ABCA13: variants seen among roughly 807,000 people sequenced by gnomAD.
ABCA13 encodes ATP binding cassette subfamily A member 13.
ABCA13 carries 476 observed loss-of-function variants against 478.7 expected under a neutral mutation model. The observed-to-expected ratio is 0.99, with a 90% CI of 0.92 to 1.07. ABCA13 has a LOEUF of 1.07. Among genes scored for constraint, ABCA13 ranks in the 50% least tolerant of loss-of-function variants. ABCA13 has a pLI of 0.00. For missense variants in ABCA13, 6,060 were observed against 5,910.6 expected (o/e 1.03, Z -0.83); for synonymous variants, 2,252 against 2,158.9 (o/e 1.04, Z -1.20).
intron 59 of ABCA13, chr7:48,627,091 C>T (rs773859683): frequency 4.1e-6 from 4 of 966,276 alleles, no homozygotes; most frequent in Non-Finnish European, 4.9e-6. Flanking sequence ...AGGCAATTTG[C>T]CAAATGCTTT....
rs146454727 is a variant in ABCA13, at chr7:48,189,095, T to C, written c.70-3864T>C. Among the ~76,000 whole-genome samples the C allele has an allele frequency of 5.2e-4, 79 of 152,276 alleles. 1 individual carries two copies. In the East Asian group the frequency reaches 0.014, roughly 28 times the overall value. ...CTGTGGCAGCATCTGTGCCAGCGCA[T>C]TTGGACAGCAGAAGTGCCAGTTTCT... is the stretch of plus-strand genomic sequence containing the variant. On this transcript the variant is annotated intron_variant, in intron 1 of 61. Transcript: ENST00000435803.
chr7:48,538,083 T>C (rs1276139291), intron 55 of ABCA13, among the ~76,000 whole-genome samples: 1 of 149,726 alleles, frequency 6.7e-6, no homozygotes, highest in Non-Finnish European at 1.5e-5. Context: ...TATCTTATTT[T>C]TTTCTTTCTT....
At chr7:48,375,420 A>C (rs893835226) in intron 34 of ABCA13, among the ~76,000 whole-genome samples, 2 of 152,278 alleles carry the variant, frequency 1.3e-5, no homozygotes. Flanking sequence ...GATTTACTAG[A>C]TTGTTCCTGA....
chr7:48,556,680 T>G (rs190350192), intron 55 of ABCA13, among the ~76,000 whole-genome samples: 8 of 152,160 alleles, frequency 5.3e-5, no homozygotes, highest in Admixed American at 5.2e-4. Flanking sequence ...CCCTTTATTT[T>G]CAGTCTATGT....
intron 59 of ABCA13, among the ~76,000 whole-genome samples, chr7:48,634,430 T>C (rs1289558743): frequency 6.6e-6 from 1 of 152,226 alleles, no homozygotes; most frequent in Non-Finnish European, 1.5e-5. Flanking sequence ...TGGCTTGTTT[T>C]TGTAAGGTCA....
At chr7:48,510,312 A>C (rs1251256307) in intron 50 of ABCA13, among the ~76,000 whole-genome samples, 1 of 152,204 alleles carries the variant, frequency 6.6e-6, no homozygotes, top group African/African-American at 2.4e-5. Flanking sequence ...CTGCCCATGG[A>C]TGACGTGCAG....
chr7:48,174,722 T>C (rs1292997413), intron 1 of ABCA13, among the ~76,000 whole-genome samples: 1 of 152,214 alleles, frequency 6.6e-6, no homozygotes, highest in Non-Finnish European at 1.5e-5. Flanking sequence ...TGTGGTCTTT[T>C]CTTATCCTTA....
chr7:48,643,479 G>A lies in ABCA13; in HGVS notation c.14943+86G>A, dbSNP rs539579660. 681 of 1,192,794 alleles carry A rather than the reference G, an allele frequency of 5.7e-4. 3 individuals are homozygous for A. The Middle Eastern group carries it at 5.8e-3, about 10-fold the overall frequency. 73.9% of individuals were successfully genotyped at this position (1,192,794 alleles called of 1,614,324 possible). Reference sequence around the variant, plus strand: ...CTGTCTTTTTTTGTTTTTATTCTATGCTGTTATAAGATACTACTTGTTACC... The same window carrying A: ...CTGTCTTTTTTTGTTTTTATTCTATACTGTTATAAGATACTACTTGTTACC... On this transcript the variant is annotated intron_variant, in intron 60 of 61. Coordinates refer to ENST00000435803, the MANE Select transcript of ABCA13 (RefSeq NM_152701.5).
At chr7:48,192,584 C>T (rs946412244) in intron 1 of ABCA13, among the ~76,000 whole-genome samples, 2 of 152,022 alleles carry the variant, frequency 1.3e-5, no homozygotes, top group African/African-American at 4.8e-5. Context: ...AGCAAAATAT[C>T]TATTTGGGTA....
intron 41 of ABCA13, among the ~76,000 whole-genome samples, chr7:48,426,207 C>A (rs1436208248): frequency 6.6e-6 from 1 of 152,204 alleles, no homozygotes; most frequent in Non-Finnish European, 1.5e-5. Context: ...TGGAGTCTTA[C>A]TGAGAATCAG....
At chr7:48,573,689 G>A (rs1308670076) in intron 55 of ABCA13, among the ~76,000 whole-genome samples, 1 of 152,114 alleles carries the variant, frequency 6.6e-6, no homozygotes, top group African/African-American at 2.4e-5. Context: ...AGCTATGATT[G>A]TACCACTGCA....
At position 48,543,516 on chromosome 7, in the gene ABCA13, C is replaced by T. The variant is rs1453982055; in HGVS notation, c.14354+15171C>T. On this transcript the variant is annotated intron_variant, in intron 55 of 61. Coordinates refer to ENST00000435803, the MANE Select transcript of ABCA13 (RefSeq NM_152701.5). ...GTGGGCACCTGTAATCCCAACTACTCGGGAAGCTGAGGCAGGAGAATCGCT... is the reference window on the plus strand; with the variant it reads ...GTGGGCACCTGTAATCCCAACTACTTGGGAAGCTGAGGCAGGAGAATCGCT... 4.6e-5 allele frequency among the ~76,000 whole-genome samples: 7 copies of T among 151,318 alleles called. 1 individual carries two copies. The highest frequency in any genetic ancestry group is 1.9e-4 in the East Asian group (1 of 5,172).
At position 48,313,169 on chromosome 7, in the gene ABCA13, C is replaced by A. The variant is rs1257439906; in HGVS notation, c.9619C>A (p.Leu3207Ile). ...CAAAGCCCAGCACGTCTTTGAGTAT[C>A]TTCCTGAGTTTCTTCACACATTTAA... ...LAKAQHVFEY[L>I]PEFLHTFKIT... is the part of the protein sequence containing the mutation. Residue 3207 changes from leucine (L) to isoleucine (I), a missense_variant, in exon 25 of 62, where the codon CTT (leucine) becomes ATT (isoleucine). By Grantham distance (5) the Leu-to-Ile change is conservative. Transcript: ENST00000435803. 4.3e-6 allele frequency: 7 copies of A among 1,612,994 alleles called. No individual in the cohort carries two copies. The highest frequency in any genetic ancestry group is 5.9e-6 in the Non-Finnish European group (7 of 1,179,382).
At chr7:48,181,714 T>C (rs903325202) in intron 1 of ABCA13, among the ~76,000 whole-genome samples, 1 of 152,184 alleles carries the variant, frequency 6.6e-6, no homozygotes, top group African/African-American at 2.4e-5. Flanking sequence ...TACATTTCTG[T>C]TTTGTACCAA....
At chr7:48,486,543 C>T (rs761835203) in intron 47 of ABCA13, among the ~76,000 whole-genome samples, 78 of 152,180 alleles carry the variant, frequency 5.1e-4, no homozygotes, top group Admixed American at 3.9e-4. Flanking sequence ...TCTCTTTGTC[C>T]CCCAACTTGC....
At chr7:48,342,814 T>C (rs1807445227) in intron 29 of ABCA13, among the ~76,000 whole-genome samples, 1 of 152,206 alleles carries the variant, frequency 6.6e-6, no homozygotes, top group Non-Finnish European at 1.5e-5. Flanking sequence ...TTACTAGTTT[T>C]TTAATCGACA....
chr7:48,418,777 T>C (rs12536697), intron 41 of ABCA13, among the ~76,000 whole-genome samples: 58,050 of 151,976 alleles, frequency 0.38, 11,718 homozygotes, highest in African/African-American at 0.52. Flanking sequence ...GATTAGACAC[T>C]GTTATATTTT....
intron 15 of ABCA13, among the ~76,000 whole-genome samples, chr7:48,258,165 C>T (rs187805732): frequency 1.3e-5 from 2 of 152,254 alleles, no homozygotes; most frequent in East Asian, 3.9e-4. Flanking sequence ...CTCAAGTAAT[C>T]CTTCTGCCTC....
At chr7:48,283,447 G>A (rs1045015044) in intron 19 of ABCA13, among the ~76,000 whole-genome samples, 2 of 152,172 alleles carry the variant, frequency 1.3e-5, no homozygotes, top group Non-Finnish European at 2.9e-5. Context: ...TGCAGTTCAG[G>A]GTGAGGACAT....
Sources: allele counts gnomAD v4.1 joint callset (sites outside exome capture counted in the v4.1 genomes callset), GRCh38; gene constraint gnomAD v4.1.1; transcripts MANE v1.5; gene names NCBI Gene and HGNC (gene_info 2026-07-23, HGNC 2026-07-21).